DNAH10: variants seen among roughly 807,000 people sequenced by gnomAD.
The protein encoded by DNAH10 is axonemal beta dynein heavy chain 10.
In DNAH10, 348 loss-of-function variants were observed where a neutral mutation model predicts 506.6. That is an observed-to-expected ratio of 0.69 (90% confidence interval 0.63 to 0.75). The LOEUF (loss-of-function observed/expected upper bound fraction) is 0.75. Among genes scored for constraint, DNAH10 ranks in the 30% least tolerant of loss-of-function variants. The pLI, the probability that DNAH10 is intolerant of heterozygous loss-of-function variation, is 0.00. For synonymous variants in DNAH10, 2,059 were observed against 2,198.6 expected (o/e 0.94, Z 1.78); for missense variants, 5,179 against 5,787.1 (o/e 0.89, Z 3.41).
chr12:123,780,483 T>A (rs1957605730), intron 5 of DNAH10, among the ~76,000 whole-genome samples: 1 of 152,040 alleles, frequency 6.6e-6, no homozygotes. Flanking sequence ...CCACAGTTTG[T>A]AACTTCTCAG....
intron 28 of DNAH10, among the ~76,000 whole-genome samples, chr12:123,837,744 T>TAA (rs1172745174): frequency 6.9e-6 from 1 of 144,542 alleles, no homozygotes; most frequent in Non-Finnish European, 1.5e-5. Flanking sequence ...CCGGCTAACT[T>TAA]AAAAAAAAAA....
At position 123,926,665 on chromosome 12, in the gene DNAH10, G is replaced by C; in HGVS notation, c.11950G>C (p.Glu3984Gln). ...KYVQPPMISFEAIFEQSTPHS... is the reference protein window; with the variant it reads ...KYVQPPMISFQAIFEQSTPHS... The stretch of plus-strand genomic sequence containing the variant: ...TGTGCAGCCCCCAATGATCAGCTTT[G>C]AAGCTATTTTTGAGCAGAGCACTCC... Residue 3984 changes from glutamate (E) to glutamine (Q), a missense_variant, in exon 69 of 79, where the codon GAA becomes CAA. Glu to Gln is a conservative substitution (Grantham distance 29, BLOSUM62 2). Transcript: ENST00000673944. The surrounding 1 kb of genome is among the most constrained non-coding windows in gnomAD (Gnocchi z 4.1). 3.7e-6 allele frequency: 6 copies of C among 1,613,828 alleles called. No individual in the cohort carries two copies. Among genetic ancestry groups the C allele is most frequent in the Non-Finnish European group, 5.1e-6 (6 of 1,179,834 alleles).
At chr12:123,830,307 G>A (rs1395892119) in intron 25 of DNAH10, among the ~76,000 whole-genome samples, 1 of 152,186 alleles carries the variant, frequency 6.6e-6, no homozygotes, top group African/African-American at 2.4e-5. Context: ...TGAGAAGGCC[G>A]TGAAGACTAG....
chr12:123,867,541 T>A lies in DNAH10; in HGVS notation c.7242T>A (p.Ile2414=). 1 of 1,613,904 alleles carries A rather than the reference T, an allele frequency of 6.2e-7. No individual in the cohort carries two copies. The highest frequency in any genetic ancestry group is 8.5e-7 in the Non-Finnish European group (1 of 1,179,876). ...TCATGGATGTGATAGTGGAAGGAAT[T>A]GTGGATGGAAGACAAGCAGAAAAGC... ...PYLMDVIVEG[I]VDGRQAEKLK... is the part of the protein sequence containing the mutation. Residue 2414 remains isoleucine (I), a synonymous_variant, in exon 42 of 79, where the codon ATT becomes ATA. Coordinates refer to ENST00000673944, the MANE Select transcript of DNAH10 (RefSeq NM_001372106.1).
In DNAH10 at chr12:123,887,259, G is replaced by T. The variant is rs745493930; in HGVS notation, c.8941G>T (p.Ala2981Ser). ...NKAMIFLFTDAHVAEEGFLEL... is the reference protein window; with the variant it reads ...NKAMIFLFTDSHVAEEGFLEL... ...AGCGATGATCTTTCTGTTCACGGAT[G>T]CCCATGTGGCTGAGGAGGGCTTCCT... The change falls in exon 52 of 79, where the codon GCC becomes TCC. Residue 2981 changes from alanine (A) to serine (S), a missense_variant. Physicochemically the swap from Ala to Ser is moderately conservative, Grantham distance 99 (BLOSUM62 1). Around this residue, in one of 3 missense-constraint regions of DNAH10, gnomAD observed 4,844 missense variants for 5,430.5 expected, o/e 0.89. Transcript: ENST00000673944. The T allele has an allele frequency of 1.9e-6, 3 of 1,614,016 alleles. No homozygotes were observed. Among genetic ancestry groups the T allele is most frequent in the Non-Finnish European group, 2.5e-6 (3 of 1,179,882 alleles).
chr12:123,817,231 T>C (rs1959168804), intron 21 of DNAH10, among the ~76,000 whole-genome samples: 1 of 151,642 alleles, frequency 6.6e-6, no homozygotes. Flanking sequence ...CTGATTGAGA[T>C]TTGTAGTACA....
rs1214629062 is a variant in DNAH10 at position 123,933,440 on chromosome 12, A to G, written c.13406A>G (p.Asp4469Gly). 2 of 1,612,628 alleles carry G rather than the reference A, an allele frequency of 1.2e-6. No homozygotes were observed. The highest frequency in any genetic ancestry group is 2.2e-5 in the East Asian group (1 of 44,842). ...ATCRKNGWPL[D>G]RSTLFTQVTK... ...TGCCGGAAGAACGGCTGGCCACTGG[A>G]CCGCTCCACCTTGTTCACACAAGTG... Residue 4469 changes from aspartate (D) to glycine (G), a missense_variant, in exon 77 of 79, where the codon GAC becomes GGC. Asp to Gly is a moderately conservative substitution (Grantham distance 94, BLOSUM62 -1). Transcript: ENST00000673944.
chr12:123,811,782 C>T (rs985189698), intron 19 of DNAH10, among the ~76,000 whole-genome samples: 6 of 151,426 alleles, frequency 4.0e-5, no homozygotes, highest in Non-Finnish European at 7.4e-5. Flanking sequence ...GGATTACAGG[C>T]GTGAGCCACT....
At chr12:123,866,229 C>CTTTTTTTTTTTTTTTTTT (rs71088963) in intron 41 of DNAH10, among the ~76,000 whole-genome samples, 156 bp downstream of exon 41, 3 of 58,208 alleles carry the variant, frequency 5.2e-5, no homozygotes, top group African/African-American at 7.5e-5. Flanking sequence ...GGCAGACACA[C>CTTTTTTTTTTTTTTTTTT]TTTTTTTTTT....
chr12:123,879,611 C>T lies in DNAH10; in HGVS notation c.8467-23C>T, dbSNP rs888953323. ...CGTGTACTGTTGTTGAGTTTGGGTCCTTAAGTGGGCTTCTGTTTCAAGGTA... is the reference window on the plus strand; with the variant it reads ...CGTGTACTGTTGTTGAGTTTGGGTCTTTAAGTGGGCTTCTGTTTCAAGGTA... On this transcript the variant is annotated intron_variant, in intron 49 of 78. Coordinates refer to ENST00000673944, the MANE Select transcript of DNAH10 (RefSeq NM_001372106.1). 4.3e-6 allele frequency: 7 copies of T among 1,613,324 alleles called. No individual in the cohort carries two copies. In the African/African-American group the frequency reaches 9.3e-5, roughly 22 times the overall value.
In DNAH10 at chr12:123,787,958, G is replaced by A. The variant is rs1244415741; in HGVS notation, c.1576G>A (p.Asp526Asn). Residue 526 changes from aspartate (D) to asparagine (N), a missense_variant, in exon 10 of 79, where the codon GAT (aspartate) becomes AAT (asparagine). By Grantham distance (23) the Asp-to-Asn change is conservative (BLOSUM62 1). Transcript: ENST00000673944. The surrounding 1 kb of genome is among the most constrained non-coding windows in gnomAD (Gnocchi z 4.6). Reference protein sequence around the residue: ...FDRKRLFERTDYMATICQDLS... With the variant: ...FDRKRLFERTNYMATICQDLS... ...CCGGAAGCGGCTGTTCGAGAGGACG[G>A]ATTATATGGCCACCATCTGCCAGGA... 6.3e-7 allele frequency: 1 copy of A among 1,591,782 alleles called. No homozygotes were observed. Among genetic ancestry groups the A allele is most frequent in the East Asian group, 2.3e-5 (1 of 44,246 alleles).
chr12:123,859,384 T>A, intron 38 of DNAH10, 116 bp downstream of exon 38: 1 of 759,636 alleles, frequency 1.3e-6, no homozygotes, highest in Non-Finnish European at 2.0e-6. Context: ...GGTAAATTTG[T>A]AATACACACC....
intron 2 of DNAH10, among the ~76,000 whole-genome samples, chr12:123,769,708 CTTTTACCAT>C (rs936246705): frequency 2.0e-5 from 3 of 152,010 alleles, no homozygotes; most frequent in Non-Finnish European, 4.4e-5. Context: ...ATGGATGTCA[CTTTTACCAT>C]TTTTACCATT....
At chr12:123,866,678 A>T (rs1467511633) in intron 41 of DNAH10, among the ~76,000 whole-genome samples, 1 of 152,214 alleles carries the variant, frequency 6.6e-6, no homozygotes, top group Admixed American at 6.5e-5. Context: ...TGTGGGCAAT[A>T]TGATTTCTTT....
intron 26 of DNAH10, among the ~76,000 whole-genome samples, 198 bp downstream of exon 26, chr12:123,830,897 C>T (rs78923729): frequency 0.043 from 6,508 of 151,954 alleles, 187 homozygotes; most frequent in Non-Finnish European, 0.063. Flanking sequence ...GAACTGTGAT[C>T]GCACCATGGC....
rs570058904 is a variant in DNAH10, at chr12:123,923,863, A to G, written c.11607A>G (p.Leu3869=). ...RVPQEELDFF[L]KGNISLEKSK... The stretch of plus-strand genomic sequence containing the variant: ...CTCAAGAAGAACTAGATTTCTTTTT[A>G]AAAGGTAATGAATTTGCCTAGCTTC... Residue 3869 remains leucine (L), a synonymous_variant, in exon 66 of 79, where the codon TTA becomes TTG. Transcript: ENST00000673944. 2.4e-5 allele frequency: 38 copies of G among 1,607,080 alleles called. No homozygotes were observed. In the South Asian group the frequency reaches 4.0e-4, roughly 17 times the overall value.
Position 123,799,400 on chromosome 12 carries a change from T to G in DNAH10, c.2289+29T>G, listed in dbSNP as rs777710900. 1.9e-6 allele frequency: 3 copies of G among 1,601,892 alleles called. No individual in the cohort carries two copies. The Admixed American group carries it at 5.1e-5, about 27-fold the overall frequency. On this transcript the variant is annotated intron_variant, in intron 14 of 78. Coordinates refer to ENST00000673944, the MANE Select transcript of DNAH10 (RefSeq NM_001372106.1). ...CGCTGCCCACGCCCTCATTCCCGAT[T>G]GCCGCGTGAGACGATGGCGTCTGCC...
chr12:123,924,122 T>C, intron 66 of DNAH10, 156 bp from the exon 67 acceptor site: 1 of 1,020,876 alleles, frequency 9.8e-7, no homozygotes, highest in Non-Finnish European at 1.4e-6. Context: ...CTGGTTGGTG[T>C]CACTGGCGGT....
chr12:123,774,081 T>C, intron 4 of DNAH10, 68 bp from the exon 5 acceptor site: 1 of 998,372 alleles, frequency 1.0e-6, no homozygotes, highest in Non-Finnish European at 1.5e-6. Context: ...ATTCCTGTTC[T>C]CTTGGAAATG....
Sources: gnomAD v4.1 joint callset for allele counts (sites outside exome capture counted in the v4.1 genomes callset) on GRCh38, gnomAD v4.1.1 for gene constraint, gnomAD v4.1.1 regional missense constraint, Gnocchi (gnomAD v3.1) non-coding constraint, MANE v1.5 for transcripts, NCBI Gene and HGNC (gene_info 2026-07-23, HGNC 2026-07-21) for gene names.